Variants in SCHIP1 observed in about 807,000 individuals in gnomAD.
SCHIP1 encodes schwannomin interacting protein 1.
SCHIP1 carries 8 observed loss-of-function variants against 29.7 expected under a neutral mutation model. The ratio of observed to expected loss-of-function variants is 0.27; its 90% CI spans 0.16 to 0.49. The LOEUF (loss-of-function observed/expected upper bound fraction) is 0.49, where lower values mean the gene tolerates loss of function less well. SCHIP1 is among the 20% of genes least tolerant of loss of function. The pLI, the probability that SCHIP1 is intolerant of heterozygous loss-of-function variation, is 0.99. For synonymous variants in SCHIP1, 76 were observed against 94.9 expected, an observed-to-expected ratio of 0.80 and a Z score of 1.16; for missense variants, 193 against 294.6, an observed-to-expected ratio of 0.66 and a Z score of 2.52.
chr3:159,554,455 G>T, the SCHIP1 span, among the ~76,000 whole-genome samples: 1 of 152,078 alleles, frequency 6.6e-6, no homozygotes, highest in Non-Finnish European at 1.5e-5. Context: ...CTAGGGTGCC[G>T]AGGCTTAAAA....
chr3:159,828,925 T>C, the SCHIP1 span, among the ~76,000 whole-genome samples: 1 of 152,194 alleles, frequency 6.6e-6, no homozygotes, highest in Non-Finnish European at 1.5e-5. Flanking sequence ...CAACCCAACT[T>C]ATTTTTATTT....
the SCHIP1 span, among the ~76,000 whole-genome samples, chr3:159,336,615 T>G: frequency 6.6e-6 from 1 of 152,214 alleles, no homozygotes; most frequent in East Asian, 1.9e-4. Flanking sequence ...TTTCCCCATT[T>G]CTTGTTTTTA....
At chr3:159,421,942 C>A in the SCHIP1 span, among the ~76,000 whole-genome samples, 2 of 151,780 alleles carry the variant, frequency 1.3e-5, no homozygotes. Context: ...AAAGAGAGGT[C>A]GGGGAAAGAA....
At chr3:159,296,276 C>A in the SCHIP1 span, among the ~76,000 whole-genome samples, 1 of 151,884 alleles carries the variant, frequency 6.6e-6, no homozygotes. Flanking sequence ...TCCCAAGTAC[C>A]CCAGAACCTA....
At chr3:159,528,839 G>T in the SCHIP1 span, among the ~76,000 whole-genome samples, 1 of 152,118 alleles carries the variant, frequency 6.6e-6, no homozygotes, top group Non-Finnish European at 1.5e-5. Context: ...AATTTGGTTG[G>T]CAGAAGAAGA....
At chr3:159,890,100 A>G (rs911777511) in intron 5 of SCHIP1, among the ~76,000 whole-genome samples, 6 of 152,068 alleles carry the variant, frequency 3.9e-5, no homozygotes, top group African/African-American at 1.4e-4. Context: ...ATCTCAAAAA[A>G]AAAAAAAGAA....
the SCHIP1 span, among the ~76,000 whole-genome samples, chr3:159,434,488 G>C: frequency 6.6e-6 from 1 of 152,146 alleles, no homozygotes; most frequent in African/African-American, 2.4e-5. Flanking sequence ...TCTGTTGTCA[G>C]GGTGATAGGT....
At chr3:159,561,529 T>C in the SCHIP1 span, among the ~76,000 whole-genome samples, 1 of 152,184 alleles carries the variant, frequency 6.6e-6, no homozygotes, top group South Asian at 2.1e-4. Flanking sequence ...ACCTTAAAGA[T>C]ATGCTCCTAG....
chr3:159,626,197 TAG>T, the SCHIP1 span, among the ~76,000 whole-genome samples: 5 of 119,908 alleles, frequency 4.2e-5, no homozygotes, highest in East Asian at 2.2e-4. Flanking sequence ...GATAGATAGA[TAG>T]ATAGATAGAT....
chr3:159,554,849 T>C, the SCHIP1 span, among the ~76,000 whole-genome samples: 1 of 152,020 alleles, frequency 6.6e-6, no homozygotes, highest in African/African-American at 2.4e-5. Flanking sequence ...ATTTCCCAAG[T>C]TGCTGTGGCA....
At chr3:159,605,703 T>A in the SCHIP1 span, among the ~76,000 whole-genome samples, 30 of 152,298 alleles carry the variant, frequency 2.0e-4, no homozygotes, top group Middle Eastern at 3.4e-3. Flanking sequence ...ATAATCAAAC[T>A]GATGAATCAA....
chr3:159,750,732 A>G, the SCHIP1 span, among the ~76,000 whole-genome samples: 1 of 152,140 alleles, frequency 6.6e-6, no homozygotes, highest in Non-Finnish European at 1.5e-5. Flanking sequence ...TACCAGCATT[A>G]ACCACATTTG....
At chr3:159,572,700 T>A in the SCHIP1 span, among the ~76,000 whole-genome samples, 1 of 152,220 alleles carries the variant, frequency 6.6e-6, no homozygotes, top group East Asian at 1.9e-4. Context: ...ATCTGTCTGA[T>A]ATTGACAGTG....
At chr3:159,799,280 C>T in the SCHIP1 span, among the ~76,000 whole-genome samples, 36 of 152,360 alleles carry the variant, frequency 2.4e-4, no homozygotes, top group South Asian at 6.4e-3. Flanking sequence ...AAGGCCACTA[C>T]GCAGCACAGT....
chr3:159,763,073 C>A, the SCHIP1 span, among the ~76,000 whole-genome samples: 3 of 152,160 alleles, frequency 2.0e-5, no homozygotes, highest in Non-Finnish European at 4.4e-5. Context: ...TCGCTGAGGT[C>A]ATCCTCAGCG....
At chr3:159,384,839 A>G in the SCHIP1 span, among the ~76,000 whole-genome samples, 1 of 152,068 alleles carries the variant, frequency 6.6e-6, no homozygotes, top group African/African-American at 2.4e-5. Context: ...TAGTCTTGGG[A>G]GGGTGTATTT....
chr3:159,370,915 T>C, the SCHIP1 span, among the ~76,000 whole-genome samples: 4 of 152,148 alleles, frequency 2.6e-5, no homozygotes, highest in African/African-American at 9.7e-5. Context: ...CCAGTTTTCT[T>C]AGTTTTCCAG....
the SCHIP1 span, among the ~76,000 whole-genome samples, chr3:159,408,726 C>T: frequency 2.0e-5 from 3 of 152,124 alleles, no homozygotes; most frequent in Admixed American, 1.3e-4. Flanking sequence ...GAACTAACAC[C>T]AATCCTACTC....
At chr3:159,496,999 G>A in the SCHIP1 span, among the ~76,000 whole-genome samples, 51 of 152,196 alleles carry the variant, frequency 3.4e-4, no homozygotes, top group African/African-American at 1.1e-3. Context: ...GCAAACTGTC[G>A]CAAGGACAAA....
Sources: allele counts gnomAD v4.1 joint callset (sites outside exome capture counted in the v4.1 genomes callset), GRCh38; gene constraint gnomAD v4.1.1; transcripts MANE v1.5; gene names NCBI Gene and HGNC (gene_info 2026-07-23, HGNC 2026-07-21).